The following ZDHHC14 variants were observed in gnomAD, a reference collection of about 807,000 sequenced individuals.
ZDHHC14 encodes the protein zDHHC palmitoyltransferase 14.
ZDHHC14 carries 16 observed loss-of-function variants against 47.7 expected under a neutral mutation model. The observed-to-expected ratio is 0.34, with a 90% CI of 0.23 to 0.51. The LOEUF (loss-of-function observed/expected upper bound fraction) is 0.51. Among genes scored for constraint, ZDHHC14 ranks in the 20% least tolerant of loss-of-function variants. The pLI, the probability that ZDHHC14 is intolerant of heterozygous loss-of-function variation, is 0.97. For synonymous variants in ZDHHC14, 293 were observed against 278.9 expected, an observed-to-expected ratio of 1.05 and a Z score of -0.50; for missense variants, 515 against 662.5, an observed-to-expected ratio of 0.78 and a Z score of 2.44.
At position 157,652,440 on chromosome 6, in the gene ZDHHC14, C is replaced by T. The variant is rs114438703; in HGVS notation, c.966-1085C>T. On this transcript the variant is annotated intron_variant, in intron 7 of 8. Transcript: ENST00000359775. Reference sequence around the variant, plus strand: ...TCTGCGCTGTGGGTGTGCCTGGTCCCACACTGTGGGGGCTGCTCCAGGGAT... The same window carrying T: ...TCTGCGCTGTGGGTGTGCCTGGTCCTACACTGTGGGGGCTGCTCCAGGGAT... 3.4e-3 allele frequency among the ~76,000 whole-genome samples: 517 copies of T among 152,298 alleles called. 9 individuals carry two copies. The highest frequency in any genetic ancestry group is 0.012 in the African/African-American group (492 of 41,560).
intron 1 of ZDHHC14, among the ~76,000 whole-genome samples, chr6:157,401,930 A>G (rs1777648000): frequency 6.6e-6 from 1 of 150,790 alleles, no homozygotes; most frequent in Non-Finnish European, 1.5e-5. Context: ...TGCAGTAGTG[A>G]GATGTGCACC....
chr6:157,400,291 C>T (rs1283893948), intron 1 of ZDHHC14, among the ~76,000 whole-genome samples: 1 of 152,130 alleles, frequency 6.6e-6, no homozygotes, highest in East Asian at 1.9e-4. Context: ...CTGCTGTCAC[C>T]TTCATCCTGA....
chr6:157,397,958 A>G (rs1041190900), intron 1 of ZDHHC14, among the ~76,000 whole-genome samples: 3 of 151,862 alleles, frequency 2.0e-5, no homozygotes, highest in African/African-American at 7.3e-5. Flanking sequence ...CTGCCAGGGG[A>G]GAGAGAGAGA....
At chr6:157,610,743 G>A (rs1469285156) in intron 3 of ZDHHC14, among the ~76,000 whole-genome samples, 1 of 152,198 alleles carries the variant, frequency 6.6e-6, no homozygotes, top group African/African-American at 2.4e-5. Context: ...ATGCAGATTT[G>A]TTCATTTTCA....
chr6:157,637,914 A>C (rs1361826346), intron 5 of ZDHHC14, among the ~76,000 whole-genome samples: 3 of 152,238 alleles, frequency 2.0e-5, no homozygotes, highest in Non-Finnish European at 4.4e-5. Flanking sequence ...ACACCTTGGC[A>C]GAAATATCAG....
At chr6:157,469,855 C>T (rs1284383080) in intron 1 of ZDHHC14, among the ~76,000 whole-genome samples, 1 of 152,238 alleles carries the variant, frequency 6.6e-6, no homozygotes, top group Non-Finnish European at 1.5e-5. Flanking sequence ...CTCTCATGTC[C>T]ATCACAAGTC....
chr6:157,631,257 G>A (rs1218253400), intron 4 of ZDHHC14: 2 of 102,496 alleles, frequency 2.0e-5, no homozygotes. Flanking sequence ...GCTCCTCTAA[G>A]GTTTTACTCA....
chr6:157,456,443 C>G (rs1379153315), intron 1 of ZDHHC14, among the ~76,000 whole-genome samples: 1 of 152,122 alleles, frequency 6.6e-6, no homozygotes, highest in Non-Finnish European at 1.5e-5. Flanking sequence ...GATGTTGCCT[C>G]CCCCATGGAG....
At chr6:157,651,352 GTC>G (rs1443298828) in intron 7 of ZDHHC14, among the ~76,000 whole-genome samples, 1 of 152,148 alleles carries the variant, frequency 6.6e-6, no homozygotes, top group African/African-American at 2.4e-5. Flanking sequence ...CTTCCTGTGT[GTC>G]TCTGTACCCT....
chr6:157,423,895 C>T (rs895888451), intron 1 of ZDHHC14, among the ~76,000 whole-genome samples: 1 of 152,168 alleles, frequency 6.6e-6, no homozygotes, highest in Non-Finnish European at 1.5e-5. Flanking sequence ...CCAGGCGATT[C>T]GTGTGCAATA....
rs1777214998 is a variant in ZDHHC14 at position 157,381,744 on chromosome 6, C to T, written c.-278C>T. The T allele has an allele frequency of 1.4e-5, 2 of 146,266 alleles. No individual in the cohort carries two copies. The highest frequency in any genetic ancestry group is 1.4e-4 in the Admixed American group (2 of 14,712). 9.1% of individuals were successfully genotyped at this position (146,266 alleles called of 1,614,324 possible). ...GGCCGGCCGGGCTGAGCCCCGCGCC[C>T]CGGGACGCGGGCTGGAAGCGACGGA... is the stretch of plus-strand genomic sequence containing the variant. On this transcript the variant is annotated 5_prime_UTR_variant, in exon 1 of 9. Transcript: ENST00000359775.
At chr6:157,466,845 A>G (rs974313036) in intron 1 of ZDHHC14, among the ~76,000 whole-genome samples, 6 of 152,196 alleles carry the variant, frequency 3.9e-5, no homozygotes, top group Non-Finnish European at 7.3e-5. Context: ...CAAAAAACAA[A>G]AAACAAAAAA....
intron 3 of ZDHHC14, among the ~76,000 whole-genome samples, chr6:157,607,827 G>A (rs989949654): frequency 1.3e-5 from 2 of 152,170 alleles, no homozygotes; most frequent in Non-Finnish European, 2.9e-5. Context: ...AATATTGACA[G>A]TGCCGTCTTA....
chr6:157,596,266 T>C (rs1029584358), intron 3 of ZDHHC14, among the ~76,000 whole-genome samples: 8 of 152,146 alleles, frequency 5.3e-5, no homozygotes, highest in South Asian at 4.2e-4. Flanking sequence ...GGCCATGATC[T>C]TATTTTTAGA....
In ZDHHC14 at chr6:157,590,411, C is replaced by G. The variant is rs973817020; in HGVS notation, c.407-2577C>G. Among the ~76,000 whole-genome samples the G allele has an allele frequency of 2.0e-5, 3 of 152,138 alleles. No individual in the cohort carries two copies. In the East Asian group the frequency reaches 5.8e-4, roughly 29 times the overall value. On this transcript the variant is annotated intron_variant, in intron 2 of 8. Coordinates refer to ENST00000359775, the MANE Select transcript of ZDHHC14 (RefSeq NM_024630.3). ...GCTGTGTGCAGCCTATGGACTCTAA[C>G]CCAGCCACTCCAGCCATGGTTAAAA...
At chr6:157,614,939 T>C (rs1337841009) in intron 3 of ZDHHC14, among the ~76,000 whole-genome samples, 1 of 152,022 alleles carries the variant, frequency 6.6e-6, no homozygotes, top group Non-Finnish European at 1.5e-5. Context: ...CCTGGCTAAT[T>C]TTTGTAATTT....
At chr6:157,466,780 G>A (rs1349839762) in intron 1 of ZDHHC14, among the ~76,000 whole-genome samples, 2 of 149,748 alleles carry the variant, frequency 1.3e-5, no homozygotes, top group Non-Finnish European at 3.0e-5. Flanking sequence ...GAAAGCTCGT[G>A]AGCCGAGATC....
chr6:157,410,984 C>T (rs571391448), intron 1 of ZDHHC14, among the ~76,000 whole-genome samples: 76 of 152,286 alleles, frequency 5.0e-4, no homozygotes, highest in South Asian at 4.8e-3. Context: ...CGTGAGCCAC[C>T]GCGCCTGGCC....
At chr6:157,410,973 G>A (rs993595527) in intron 1 of ZDHHC14, among the ~76,000 whole-genome samples, 1 of 152,200 alleles carries the variant, frequency 6.6e-6, no homozygotes, top group Non-Finnish European at 1.5e-5. Flanking sequence ...GGGATTACAG[G>A]CGTGAGCCAC....
Sources: allele counts gnomAD v4.1 joint callset (sites outside exome capture counted in the v4.1 genomes callset), GRCh38; gene constraint gnomAD v4.1.1; transcripts MANE v1.5; gene names NCBI Gene and HGNC (gene_info 2026-07-23, HGNC 2026-07-21).